Variants in UGT1A9 observed in about 807,000 individuals in gnomAD.
The protein encoded by UGT1A9 is UDP glucuronosyltransferase family 1 member A9.
UGT1A9 carries 35 observed loss-of-function variants against 45.0 expected under a neutral mutation model. The ratio of observed to expected loss-of-function variants is 0.78; its 90% CI spans 0.59 to 1.03. The LOEUF (loss-of-function observed/expected upper bound fraction) is 1.03. Among genes scored for constraint, UGT1A9 ranks in the 50% least tolerant of loss-of-function variants. UGT1A9 has a pLI of 0.00. For synonymous variants in UGT1A9, 278 were observed against 250.6 expected (o/e 1.11, Z -1.03); for missense variants, 687 against 666.6 (o/e 1.03, Z -0.34).
intron 1 of UGT1A9, among the ~76,000 whole-genome samples, chr2:233,749,110 T>C (rs1417029157): frequency 1.3e-5 from 2 of 151,818 alleles, no homozygotes; most frequent in African/African-American, 4.9e-5. Flanking sequence ...AATTCAGCCT[T>C]TTTATGTCAT....
intron 1 of UGT1A9, among the ~76,000 whole-genome samples, chr2:233,673,017 G>A (rs2074248494): frequency 6.6e-6 from 1 of 152,076 alleles, no homozygotes; most frequent in Non-Finnish European, 1.5e-5. Flanking sequence ...AACATATTCA[G>A]CCTACATTTT....
intron 1 of UGT1A9, 54 bp downstream of exon 1, chr2:233,672,843 A>C: frequency 6.4e-7 from 1 of 1,554,194 alleles, no homozygotes; most frequent in Non-Finnish European, 8.7e-7. Flanking sequence ...GGAAATTAAA[A>C]AAGGATTCTT....
chr2:233,713,749 C>G (rs1291086898), intron 1 of UGT1A9: 3 of 1,613,848 alleles, frequency 1.9e-6, no homozygotes, highest in South Asian at 2.2e-5. Context: ...AGCCATGCAT[C>G]TGTGTGGCTG....
chr2:233,750,583 G>C (rs1175695662), intron 1 of UGT1A9: 1 of 151,928 alleles, frequency 6.6e-6, no homozygotes, highest in Non-Finnish European at 1.5e-5. Context: ...TCACAGGCCT[G>C]GAGGCCTAGG....
chr2:233,672,144 G>A lies in UGT1A9; in HGVS notation c.210G>A (p.Leu70=). ...PEVSWQLGRS[L]NCTVKTYSTS... ...TGAGTTGGCAACTGGGAAGATCACTGAATTGCACAGTGAAGACTTATTCAA... is the reference window on the plus strand; with the variant it reads ...TGAGTTGGCAACTGGGAAGATCACTAAATTGCACAGTGAAGACTTATTCAA... The change falls in exon 1 of 5, where the codon CTG becomes CTA. Residue 70 remains leucine, a synonymous_variant. Coordinates refer to ENST00000354728, the MANE Select transcript of UGT1A9 (RefSeq NM_021027.3). 1 of 1,614,184 alleles carries A rather than the reference G, an allele frequency of 6.2e-7. No homozygotes were observed. The highest frequency in any genetic ancestry group is 8.5e-7 in the Non-Finnish European group (1 of 1,180,012).
intron 1 of UGT1A9, among the ~76,000 whole-genome samples, chr2:233,688,730 A>T (rs1008137516): frequency 1.3e-5 from 2 of 152,156 alleles, no homozygotes; most frequent in African/African-American, 4.8e-5. Context: ...AGAGTCTTTG[A>T]GTGACTGGGA....
chr2:233,750,438 G>A (rs1694457559), intron 1 of UGT1A9, among the ~76,000 whole-genome samples: 1 of 151,952 alleles, frequency 6.6e-6, no homozygotes, highest in South Asian at 2.1e-4. Flanking sequence ...ATTTTATGGG[G>A]AGAAATTCAA....
chr2:233,709,425 C>A (rs1055346708), intron 1 of UGT1A9, among the ~76,000 whole-genome samples: 1 of 152,240 alleles, frequency 6.6e-6, no homozygotes, highest in South Asian at 2.1e-4. Flanking sequence ...AGAATGTCCT[C>A]CAGAAAGGAT....
intron 1 of UGT1A9, among the ~76,000 whole-genome samples, chr2:233,733,966 G>A (rs1285977671): frequency 6.6e-6 from 1 of 152,042 alleles, no homozygotes; most frequent in Non-Finnish European, 1.5e-5. Context: ...TGGGGTAGGG[G>A]GAGCGGGGAG....
chr2:233,723,506 G>T (rs2077088839), intron 1 of UGT1A9, among the ~76,000 whole-genome samples: 1 of 130,702 alleles, frequency 7.7e-6, no homozygotes, highest in Non-Finnish European at 1.6e-5. Context: ...CACTGCACCT[G>T]GTCAACAATC....
At chr2:233,737,822 A>G (rs1690601410) in intron 1 of UGT1A9, among the ~76,000 whole-genome samples, 1 of 152,126 alleles carries the variant, frequency 6.6e-6, no homozygotes, top group African/African-American at 2.4e-5. Flanking sequence ...GGAGCAGAAC[A>G]AATTGGGAAC....
chr2:233,746,953 T>A (rs984665888), intron 1 of UGT1A9, among the ~76,000 whole-genome samples: 1 of 151,790 alleles, frequency 6.6e-6, no homozygotes, highest in Non-Finnish European at 1.5e-5. Context: ...AACAAGAGCT[T>A]GAACTTGGAT....
At chr2:233,687,584 A>G (rs1393957016) in intron 1 of UGT1A9, among the ~76,000 whole-genome samples, 1 of 40,630 alleles carries the variant, frequency 2.5e-5, no homozygotes, top group Non-Finnish European at 4.9e-5. Flanking sequence ...CATTCTTTGT[A>G]AAAAAAAAAA....
chr2:233,710,257 T>G (rs1404834948), intron 1 of UGT1A9, among the ~76,000 whole-genome samples: 1 of 152,232 alleles, frequency 6.6e-6, no homozygotes, highest in Admixed American at 6.5e-5. Context: ...TTTCTGAGAT[T>G]TCATTTTTCT....
intron 1 of UGT1A9, chr2:233,761,302 C>G: frequency 6.8e-7 from 1 of 1,473,836 alleles, no homozygotes. Context: ...AGGTTTGAGT[C>G]TGTCTTTGGC....
intron 1 of UGT1A9, chr2:233,760,847 C>G: frequency 6.2e-7 from 1 of 1,614,018 alleles, no homozygotes; most frequent in South Asian, 1.1e-5. Context: ...ACCCAGTGCC[C>G]CAACCCATTC....
At chr2:233,708,067 C>T (rs2076002868) in intron 1 of UGT1A9, among the ~76,000 whole-genome samples, 1 of 152,200 alleles carries the variant, frequency 6.6e-6, no homozygotes, top group Non-Finnish European at 1.5e-5. Flanking sequence ...CACTCTGCAT[C>T]TTGCTTTTTA....
intron 1 of UGT1A9, among the ~76,000 whole-genome samples, chr2:233,766,449 C>T (rs1213957356): frequency 6.6e-6 from 1 of 152,156 alleles, no homozygotes; most frequent in Non-Finnish European, 1.5e-5. Flanking sequence ...TGTCTGCCTG[C>T]TAGGGTCTTG....
intron 1 of UGT1A9, among the ~76,000 whole-genome samples, chr2:233,705,131 C>T (rs1289244269): frequency 5.8e-5 from 6 of 104,174 alleles, no homozygotes; most frequent in South Asian, 6.9e-4. Flanking sequence ...AGCGAGACTT[C>T]GTCTGAAAAA....
Sources: allele counts gnomAD v4.1 joint callset (sites outside exome capture counted in the v4.1 genomes callset), GRCh38; gene constraint gnomAD v4.1.1; transcripts MANE v1.5; gene names NCBI Gene and HGNC (gene_info 2026-07-23, HGNC 2026-07-21).